ZNF385B: variants seen among roughly 807,000 people sequenced by gnomAD.
ZNF385B encodes zinc finger protein 385B.
A neutral mutation model predicts 39.2 loss-of-function variants in ZNF385B; 23 were observed. The ratio of observed to expected loss-of-function variants is 0.59; its 90% CI spans 0.42 to 0.83. The LOEUF is 0.83. Ranked by LOEUF, ZNF385B falls within the 40% of genes least tolerant of loss-of-function variation. The pLI, the probability that ZNF385B is intolerant of heterozygous loss-of-function variation, is 0.00. For missense variants in ZNF385B, 552 were observed against 598.9 expected (o/e 0.92, Z 0.82); for synonymous variants, 205 against 222.6 (o/e 0.92, Z 0.70).
At chr2:179,547,196 T>C (rs2060290046) in intron 3 of ZNF385B, among the ~76,000 whole-genome samples, 2 of 149,618 alleles carry the variant, frequency 1.3e-5, no homozygotes, top group Admixed American at 1.3e-4. Flanking sequence ...ACTGTTTTCA[T>C]TGCTGTGCAG....
intron 1 of ZNF385B, among the ~76,000 whole-genome samples, chr2:179,806,693 T>C (rs1706372345): frequency 6.6e-6 from 1 of 152,182 alleles, no homozygotes; most frequent in Non-Finnish European, 1.5e-5. Context: ...ATGATTATTA[T>C]TCCTAATTTG....
chr2:179,558,139 C>T (rs2061077712), intron 3 of ZNF385B, among the ~76,000 whole-genome samples: 1 of 152,080 alleles, frequency 6.6e-6, no homozygotes, highest in African/African-American at 2.4e-5. Flanking sequence ...TGGCAACTGA[C>T]CTTCTATTTG....
chr2:179,669,459 A>AT (rs778556779), intron 3 of ZNF385B, among the ~76,000 whole-genome samples: 11 of 152,242 alleles, frequency 7.2e-5, no homozygotes, highest in Middle Eastern at 6.8e-3. Flanking sequence ...TTCCCAGCAT[A>AT]TTTTTTAAGT....
intron 3 of ZNF385B, among the ~76,000 whole-genome samples, chr2:179,712,574 C>G (rs976961492): frequency 6.6e-6 from 1 of 152,122 alleles, no homozygotes; most frequent in Non-Finnish European, 1.5e-5. Context: ...TCTCCACCAC[C>G]ACTAGTGTAG....
At chr2:179,561,726 C>T (rs1351096143) in intron 3 of ZNF385B, among the ~76,000 whole-genome samples, 1 of 151,952 alleles carries the variant, frequency 6.6e-6, no homozygotes, top group African/African-American at 2.4e-5. Flanking sequence ...CTACTGTATA[C>T]ATACAAATTA....
intron 3 of ZNF385B, among the ~76,000 whole-genome samples, chr2:179,708,990 C>A (rs1237131635): frequency 1.3e-5 from 2 of 152,188 alleles, no homozygotes; most frequent in Non-Finnish European, 2.9e-5. Context: ...TGCCTCCCAT[C>A]TGATGATAAG....
intron 6 of ZNF385B, among the ~76,000 whole-genome samples, chr2:179,462,155 C>G (rs1287227192): frequency 6.6e-6 from 1 of 152,160 alleles, no homozygotes; most frequent in Non-Finnish European, 1.5e-5. Context: ...TTCACAAGCA[C>G]CTTGTACAAC....
intron 1 of ZNF385B, among the ~76,000 whole-genome samples, chr2:179,848,895 A>G (rs1195046286): frequency 5.9e-5 from 9 of 152,222 alleles, no homozygotes. Flanking sequence ...GAATAAAAAA[A>G]GAGAGGGGAC....
intron 3 of ZNF385B, among the ~76,000 whole-genome samples, chr2:179,632,979 T>G (rs950514950): frequency 2.0e-5 from 3 of 152,128 alleles, no homozygotes; most frequent in African/African-American, 7.2e-5. Flanking sequence ...CCTGGACGCA[T>G]AGACCCTCCC....
intron 1 of ZNF385B, among the ~76,000 whole-genome samples, chr2:179,802,951 C>A (rs773150548): frequency 6.6e-6 from 1 of 152,032 alleles, no homozygotes; most frequent in Non-Finnish European, 1.5e-5. Flanking sequence ...ATTAAAAAAA[C>A]GCAATAGCTA....
At chr2:179,493,630 C>CAT (rs1553572017) in intron 5 of ZNF385B, among the ~76,000 whole-genome samples, 1 of 94,474 alleles carries the variant, frequency 1.1e-5, no homozygotes, top group Non-Finnish European at 2.2e-5. Flanking sequence ...TATGTATACG[C>CAT]ATATGTATAC....
chr2:179,819,234 A>G (rs1354997379), intron 1 of ZNF385B, among the ~76,000 whole-genome samples: 1 of 152,128 alleles, frequency 6.6e-6, no homozygotes, highest in Admixed American at 6.5e-5. Context: ...AGCAAACTTG[A>G]GAAGGGACTT....
At chr2:179,537,028 C>A (rs897858226) in intron 4 of ZNF385B, among the ~76,000 whole-genome samples, 1 of 151,946 alleles carries the variant, frequency 6.6e-6, no homozygotes, top group Non-Finnish European at 1.5e-5. Flanking sequence ...GGGTGAGGGA[C>A]GGCCGGGATA....
At chr2:179,653,487 C>T (rs770118294) in intron 3 of ZNF385B, among the ~76,000 whole-genome samples, 7 of 152,106 alleles carry the variant, frequency 4.6e-5, no homozygotes, top group Non-Finnish European at 8.8e-5. Context: ...AGACTTATGG[C>T]GGGTTAATAA....
At chr2:179,493,773 A>ATATACATATATGTATACATATATG (rs1553572737) in intron 5 of ZNF385B, among the ~76,000 whole-genome samples, 6 of 73,940 alleles carry the variant, frequency 8.1e-5, no homozygotes, top group Non-Finnish European at 1.5e-4. Flanking sequence ...GTATACATAT[A>ATATACATATATGTATACATATATG]TGTATATACA....
intron 4 of ZNF385B, among the ~76,000 whole-genome samples, chr2:179,523,297 ATTT>A (rs199635243): frequency 7.3e-6 from 1 of 137,596 alleles, no homozygotes; most frequent in Admixed American, 7.3e-5. Flanking sequence ...AATAAGAACA[ATTT>A]TTTTTTTTTG....
At chr2:179,844,376 A>G (rs1362174073) in intron 1 of ZNF385B, among the ~76,000 whole-genome samples, 2 of 152,226 alleles carry the variant, frequency 1.3e-5, no homozygotes, top group African/African-American at 2.4e-5. Flanking sequence ...CCTGTCAGTC[A>G]CTATAGTCTT....
intron 3 of ZNF385B, among the ~76,000 whole-genome samples, chr2:179,623,556 A>G (rs1156510222): frequency 6.6e-6 from 1 of 152,170 alleles, no homozygotes; most frequent in Non-Finnish European, 1.5e-5. Flanking sequence ...TGAAGACGGC[A>G]CAGTAGCAGC....
Position 179,554,550 on chromosome 2 carries a change from T to C in ZNF385B, c.299-9581A>G, listed in dbSNP as rs1441935550. Among the ~76,000 whole-genome samples the C allele has an allele frequency of 1.3e-5, 2 of 149,178 alleles. 1 individual carries two copies. Among genetic ancestry groups the C allele is most frequent in the Non-Finnish European group, 3.0e-5 (2 of 67,574 alleles). On this transcript the variant is annotated intron_variant, in intron 3 of 9. Transcript: ENST00000410066. The stretch of plus-strand genomic sequence containing the variant: ...GAAAAACAGAGTATCTTTGTGACCT[T>C]GGACTAAGCGAAGGTCTCTTAAACA...
Sources: allele counts gnomAD v4.1 joint callset (sites outside exome capture counted in the v4.1 genomes callset), GRCh38; gene constraint gnomAD v4.1.1; transcripts MANE v1.5; gene names NCBI Gene and HGNC (gene_info 2026-07-23, HGNC 2026-07-21).